ZNF385D: variants seen among roughly 807,000 people sequenced by gnomAD.
ZNF385D encodes zinc finger protein 385D.
A neutral mutation model predicts 35.8 loss-of-function variants in ZNF385D; 15 were observed. The observed-to-expected ratio is 0.42, with a 90% CI of 0.28 to 0.64. ZNF385D has a LOEUF of 0.64. ZNF385D is among the 30% of genes least tolerant of loss of function. ZNF385D has a pLI of 0.23. For synonymous variants in ZNF385D, 212 were observed against 186.8 expected (o/e 1.13, Z -1.10); for missense variants, 474 against 494.6 (o/e 0.96, Z 0.39).
chr3:21,706,690 C>T (rs2067911511), intron 1 of ZNF385D, among the ~76,000 whole-genome samples: 1 of 151,962 alleles, frequency 6.6e-6, no homozygotes, highest in Admixed American at 6.6e-5. Context: ...AGACCAATAC[C>T]CAGAAATGCA....
At chr3:22,355,398 T>C (rs1014738136) in intron 2 of ZNF385D, among the ~76,000 whole-genome samples, 5 of 152,038 alleles carry the variant, frequency 3.3e-5, no homozygotes, top group African/African-American at 1.2e-4. Context: ...CTTTCTAACA[T>C]AGTTACTTGT....
chr3:22,279,176 T>C (rs528654647), intron 2 of ZNF385D, among the ~76,000 whole-genome samples: 61 of 152,054 alleles, frequency 4.0e-4, no homozygotes, highest in Non-Finnish European at 7.4e-4. Context: ...AGTTATTTAG[T>C]GGCCAATTCT....
chr3:22,309,422 G>A (rs1157664334), intron 2 of ZNF385D, among the ~76,000 whole-genome samples: 1 of 152,016 alleles, frequency 6.6e-6, no homozygotes, highest in African/African-American at 2.4e-5. Context: ...GCATGACCTT[G>A]TCCCAGTTTC....
chr3:22,316,374 G>C (rs967498259), intron 2 of ZNF385D, among the ~76,000 whole-genome samples: 2 of 152,140 alleles, frequency 1.3e-5, no homozygotes, highest in African/African-American at 4.8e-5. Context: ...CTGTGTGGCA[G>C]GCAATTAATA....
chr3:21,998,666 CTATGT>C (rs1695640719), intron 3 of ZNF385D, among the ~76,000 whole-genome samples: 1 of 152,146 alleles, frequency 6.6e-6, no homozygotes, highest in South Asian at 2.1e-4. Flanking sequence ...TATTTTGAAC[CTATGT>C]TAATAAACAA....
intron 2 of ZNF385D, among the ~76,000 whole-genome samples, chr3:22,182,007 G>C (rs1377083813): frequency 6.6e-6 from 1 of 152,004 alleles, no homozygotes; most frequent in African/African-American, 2.4e-5. Context: ...TGAGTGAGGA[G>C]GTGGTTCCTT....
chr3:22,220,546 G>A (rs887930185), intron 2 of ZNF385D, among the ~76,000 whole-genome samples: 4 of 152,098 alleles, frequency 2.6e-5, no homozygotes, highest in African/African-American at 9.7e-5. Context: ...TGATTTTCTA[G>A]ATTCTGTTAT....
chr3:22,313,895 T>C (rs562759138), intron 2 of ZNF385D, among the ~76,000 whole-genome samples: 1 of 152,276 alleles, frequency 6.6e-6, no homozygotes, highest in South Asian at 2.1e-4. Context: ...CTACCTCTTC[T>C]ATTCACTTCT....
chr3:22,041,078 C>G (rs1264551887), intron 3 of ZNF385D, among the ~76,000 whole-genome samples: 3 of 152,036 alleles, frequency 2.0e-5, no homozygotes, highest in Non-Finnish European at 4.4e-5. Context: ...CAAAAGATGT[C>G]ATTAGGTCAG....
chr3:21,796,347 A>G (rs1018604991), intron 3 of ZNF385D, among the ~76,000 whole-genome samples: 3 of 152,234 alleles, frequency 2.0e-5, no homozygotes, highest in African/African-American at 7.2e-5. Context: ...AGAAAACTAC[A>G]AATCAATATC....
At position 22,297,850 on chromosome 3, in the gene ZNF385D, A is replaced by T. The variant is rs550328013; in HGVS notation, c.106+74600T>A. Among the ~76,000 whole-genome samples the T allele has an allele frequency of 2.4e-4, 37 of 152,290 alleles. No individual in the cohort carries two copies. The South Asian group carries it at 7.5e-3, about 31-fold the overall frequency. On this transcript the variant is annotated intron_variant, in intron 2 of 5. Coordinates refer to the ZNF385D transcript ENST00000494108. ...AGCAAATGATATTGGGTTACATTTT[A>T]AAAGTATGTTTAAACGTACAACGCG...
chr3:21,561,862 AAAG>A (rs766077711), intron 3 of ZNF385D: 12 of 152,224 alleles, frequency 7.9e-5, no homozygotes, highest in Non-Finnish European at 5.9e-5. Flanking sequence ...TGAAATATTG[AAAG>A]AAGAACCAAA....
At chr3:21,947,173 G>A (rs962788421) in intron 3 of ZNF385D, among the ~76,000 whole-genome samples, 1 of 152,080 alleles carries the variant, frequency 6.6e-6, no homozygotes, top group African/African-American at 2.4e-5. Flanking sequence ...AAGGAACACT[G>A]AATATTTTAC....
chr3:21,609,972 A>C (rs1444380231), intron 2 of ZNF385D, among the ~76,000 whole-genome samples: 1 of 152,146 alleles, frequency 6.6e-6, no homozygotes, highest in African/African-American at 2.4e-5. Context: ...CAGGCAAATA[A>C]ATCTCCCACT....
At position 22,208,673 on chromosome 3, in the gene ZNF385D, C is replaced by T. The variant is rs542743358; in HGVS notation, c.107-39638G>A. ...CCCATATCAAAATATCTTATGTACC[C>T]CATAAATATACACACCTATTATGTA... On this transcript the variant is annotated intron_variant, in intron 2 of 5. Transcript: ENST00000494108. Among the ~76,000 whole-genome samples, 66 of 150,502 alleles carry T rather than the reference C, an allele frequency of 4.4e-4. 1 individual carries two copies. The highest frequency in any genetic ancestry group is 4.2e-3 in the Admixed American group (63 of 15,062).
intron 3 of ZNF385D, among the ~76,000 whole-genome samples, chr3:21,757,254 C>T (rs945846249): frequency 2.6e-5 from 4 of 151,564 alleles, no homozygotes; most frequent in Admixed American, 2.0e-4. Flanking sequence ...GCCTCAGCCT[C>T]ACTATAGTCA....
At chr3:22,172,000 C>T (rs934212228) in intron 2 of ZNF385D, among the ~76,000 whole-genome samples, 10 of 151,284 alleles carry the variant, frequency 6.6e-5, no homozygotes, top group Non-Finnish European at 1.2e-4. Flanking sequence ...ATGGTAAAAA[C>T]GACATGCTTA....
At chr3:22,280,650 A>ATGC in intron 2 of ZNF385D, among the ~76,000 whole-genome samples, 1 of 152,032 alleles carries the variant, frequency 6.6e-6, no homozygotes, top group East Asian at 1.9e-4. Flanking sequence ...TACCAGTACC[A>ATGC]TGCTGTTTTG....
intron 2 of ZNF385D, among the ~76,000 whole-genome samples, chr3:22,285,096 T>C (rs1701957149): frequency 6.6e-6 from 1 of 152,106 alleles, no homozygotes; most frequent in Non-Finnish European, 1.5e-5. Flanking sequence ...AAAATTGGAA[T>C]TTTTCAGCAT....
Sources: gnomAD v4.1 joint callset for allele counts (sites outside exome capture counted in the v4.1 genomes callset) on GRCh38, gnomAD v4.1.1 for gene constraint, MANE v1.5 for transcripts, NCBI Gene and HGNC (gene_info 2026-07-23, HGNC 2026-07-21) for gene names.